The following TRAF3 variants were observed in gnomAD, a reference collection of about 807,000 sequenced individuals.
TRAF3 encodes the protein TNF receptor-associated factor 3.
A neutral mutation model predicts 62.3 loss-of-function variants in TRAF3; 13 were observed. The ratio of observed to expected loss-of-function variants is 0.21; its 90% CI spans 0.14 to 0.33. The LOEUF (loss-of-function observed/expected upper bound fraction) is 0.33. TRAF3 is among the 10% of genes least tolerant of loss of function. TRAF3 has a pLI of 1.00. For missense variants in TRAF3, 440 were observed against 741.8 expected (o/e 0.59, Z 4.73); for synonymous variants, 269 against 283.4 (o/e 0.95, Z 0.51).
intron 3 of TRAF3, among the ~76,000 whole-genome samples, chr14:102,870,954 A>C (rs536200044): frequency 6.6e-6 from 1 of 152,354 alleles, no homozygotes; most frequent in Non-Finnish European, 1.5e-5. Flanking sequence ...GCTGAGTGCC[A>C]GTGCTGGTAC....
chr14:102,840,404 A>T (rs10137883), intron 2 of TRAF3, among the ~76,000 whole-genome samples: 4,351 of 150,388 alleles, frequency 0.029, 229 homozygotes, highest in African/African-American at 0.1. Context: ...ATAATTTTTT[A>T]TTTTTTTTTG....
Position 102,876,333 on chromosome 14 carries a change from G to T in TRAF3, c.403-25G>T, listed in dbSNP as rs377496210. Reference sequence around the variant, plus strand: ...GATTTAGGGTTTTTTTCCCAATTAAGAACATTGAATGGTCTGTCTTACAGG... The same window carrying T: ...GATTTAGGGTTTTTTTCCCAATTAATAACATTGAATGGTCTGTCTTACAGG... On this transcript the variant is annotated intron_variant, in intron 5 of 11. Transcript: ENST00000392745. 2.5e-6 allele frequency: 4 copies of T among 1,613,344 alleles called. No individual in the cohort carries two copies. In the African/African-American group the frequency reaches 4.0e-5, roughly 16 times the overall value.
intron 8 of TRAF3, among the ~76,000 whole-genome samples, chr14:102,890,804 CAA>C (rs1889665252): frequency 6.6e-6 from 1 of 152,124 alleles, no homozygotes; most frequent in African/African-American, 2.4e-5. Context: ...TGGTGAAGAG[CAA>C]TACATCTTTG....
Position 102,903,647 on chromosome 14 carries a change from C to A in TRAF3, c.1135+218C>A, listed in dbSNP as rs1290026321. The A allele has an allele frequency of 1.4e-6, 1 of 721,610 alleles. No individual in the cohort carries two copies. Among genetic ancestry groups the A allele is most frequent in the South Asian group, 1.5e-5 (1 of 67,542 alleles). The allele number at this position is 721,610 out of a possible 1,614,324, so 44.7% of individuals were successfully genotyped here. A position where few individuals can be genotyped will look rare whatever the true frequency, so the allele number is the denominator to read the frequency against. On this transcript the variant is annotated intron_variant, in intron 11 of 11. Transcript: ENST00000392745. This position sits in a 1 kb window ranked among gnomAD's most constrained non-coding sequence, Gnocchi z 6.4. ...CAGGCTTGTCCCCTCCGTGTGAGGC[C>A]CTACATGGTGTAGAAAGTAGGGGCA...
intron 2 of TRAF3, among the ~76,000 whole-genome samples, chr14:102,864,249 C>T (rs527290302): frequency 1.8e-4 from 27 of 151,016 alleles, no homozygotes; most frequent in African/African-American, 5.4e-4. Flanking sequence ...CCCAGGTTCA[C>T]GCCATTCTCC....
At chr14:102,789,201 C>A (rs1246873707) in intron 1 of TRAF3, among the ~76,000 whole-genome samples, 4 of 152,082 alleles carry the variant, frequency 2.6e-5, no homozygotes, top group African/African-American at 9.7e-5. Flanking sequence ...AGTATTTGTT[C>A]CTTTTTATTG....
chr14:102,797,959 A>G (rs1208124245), intron 1 of TRAF3, among the ~76,000 whole-genome samples: 1 of 151,654 alleles, frequency 6.6e-6, no homozygotes, highest in African/African-American at 2.4e-5. Context: ...CTGGTCTCCA[A>G]CTCCTGACCT....
chr14:102,829,476 G>A (rs925348358), intron 1 of TRAF3, among the ~76,000 whole-genome samples: 2 of 152,190 alleles, frequency 1.3e-5, no homozygotes, highest in Admixed American at 1.3e-4. Flanking sequence ...TGAGGAACTA[G>A]CCTGTGTGTG....
At chr14:102,888,833 G>T (rs748688878) in intron 7 of TRAF3, among the ~76,000 whole-genome samples, 8 of 152,116 alleles carry the variant, frequency 5.3e-5, no homozygotes, top group Non-Finnish European at 1.2e-4. Flanking sequence ...CTTTTCTCTT[G>T]TTAGGGCATC....
chr14:102,803,573 A>G (rs910930087), intron 1 of TRAF3, among the ~76,000 whole-genome samples: 33 of 151,814 alleles, frequency 2.2e-4, no homozygotes, highest in Non-Finnish European at 4.3e-4. Context: ...GGCCAGAAGT[A>G]TAATTTTTTT....
At chr14:102,836,316 A>G (rs1021349996) in intron 2 of TRAF3, among the ~76,000 whole-genome samples, 1 of 152,206 alleles carries the variant, frequency 6.6e-6, no homozygotes, top group African/African-American at 2.4e-5. Flanking sequence ...TTATTTTCAT[A>G]ATTTTCTGGC....
In TRAF3 at chr14:102,791,212, G is replaced by A. The variant is rs999546945; in HGVS notation, c.-157+13537G>A. The stretch of plus-strand genomic sequence containing the variant: ...TTTTTTGTATTTTTTGTAGAGACGG[G>A]GTTTAACTGTGTTAGCCAGGATGGT... On this transcript the variant is annotated intron_variant, in intron 1 of 11. Coordinates refer to ENST00000392745, the MANE Select transcript of TRAF3 (RefSeq NM_145725.3). 1.3e-4 allele frequency among the ~76,000 whole-genome samples: 19 copies of A among 151,650 alleles called. 1 individual carries two copies.
At chr14:102,869,000 A>T (rs1182728783) in intron 2 of TRAF3, among the ~76,000 whole-genome samples, 2 of 152,150 alleles carry the variant, frequency 1.3e-5, no homozygotes, top group Non-Finnish European at 2.9e-5. Flanking sequence ...TGTGGAAGAG[A>T]GTCCGCGCAG....
At chr14:102,812,664 A>T (rs1394847982) in intron 1 of TRAF3, among the ~76,000 whole-genome samples, 1 of 152,118 alleles carries the variant, frequency 6.6e-6, no homozygotes, top group African/African-American at 2.4e-5. Context: ...TCACGCCTGT[A>T]ATCCCAGCAC....
intron 1 of TRAF3, among the ~76,000 whole-genome samples, chr14:102,827,107 C>T (rs1900366094): frequency 6.6e-6 from 1 of 152,220 alleles, no homozygotes; most frequent in South Asian, 2.1e-4. Context: ...TGTTCTCCCC[C>T]TGGCCCTCCC....
intron 1 of TRAF3, among the ~76,000 whole-genome samples, chr14:102,786,849 G>A (rs1897528565): frequency 6.6e-6 from 1 of 152,126 alleles, no homozygotes. Context: ...AATTAGCTGG[G>A]TCTGGTGGCG....
At chr14:102,868,791 A>C (rs1471115499) in intron 2 of TRAF3, among the ~76,000 whole-genome samples, 5 of 152,180 alleles carry the variant, frequency 3.3e-5, no homozygotes, top group Non-Finnish European at 5.9e-5. Flanking sequence ...TTTTTACTAA[A>C]GCTCACATTT....
At chr14:102,778,141 C>T (rs1897108187) in intron 1 of TRAF3, among the ~76,000 whole-genome samples, 1 of 150,888 alleles carries the variant, frequency 6.6e-6, no homozygotes, top group African/African-American at 2.4e-5. Flanking sequence ...AAAGTTGGTC[C>T]TGAGTCATTC....
intron 10 of TRAF3, among the ~76,000 whole-genome samples, chr14:102,901,330 G>A (rs3783385): frequency 0.37 from 56,545 of 152,056 alleles, 13,728 homozygotes; most frequent in African/African-American, 0.69. Context: ...ACCCTGCCTG[G>A]GACTCATGCT....
Sources: gnomAD v4.1 joint callset for allele counts (sites outside exome capture counted in the v4.1 genomes callset) on GRCh38, gnomAD v4.1.1 for gene constraint, Gnocchi (gnomAD v3.1) non-coding constraint, MANE v1.5 for transcripts, NCBI Gene and HGNC (gene_info 2026-07-23, HGNC 2026-07-21) for gene names.